Variants in MID2 observed in about 807,000 individuals in gnomAD.
The protein encoded by MID2 is midline 2.
A neutral mutation model predicts 46.1 loss-of-function variants in MID2; 13 were observed. The observed-to-expected ratio is 0.28, with a 90% CI of 0.18 to 0.45. The LOEUF is 0.45. Ranked by LOEUF, MID2 falls within the 20% of genes least tolerant of loss-of-function variation. The pLI is 1.00. For missense variants in MID2, 431 were observed against 575.4 expected (o/e 0.75, Z 2.57); for synonymous variants, 199 against 212.3 (o/e 0.94, Z 0.55).
intron 1 of MID2, among the ~76,000 whole-genome samples, chrX:107,833,464 C>T (rs1931137213): frequency 9.2e-6 from 1 of 108,217 alleles, no homozygotes; most frequent in Non-Finnish European, 1.9e-5. Flanking sequence ...GCTCATTTCT[C>T]AATCTACAGC....
At chrX:107,887,590 T>G (rs1156568499) in intron 3 of MID2, among the ~76,000 whole-genome samples, 2 of 111,681 alleles carry the variant, frequency 1.8e-5, no homozygotes, top group East Asian at 5.6e-4. Context: ...ATTCTCTTTT[T>G]TTGTTGTGTC....
In MID2 at chrX:107,929,302, GA is replaced by G. The variant is rs1188707098; in HGVS notation, c.*2230del. On this transcript the variant is annotated 3_prime_UTR_variant, in exon 10 of 10. Coordinates refer to ENST00000262843, the MANE Select transcript of MID2 (RefSeq NM_012216.4). ...CCCAAATTCTTAAACAAAAAAAAAT[GA>G]TTTTTTTCCCCTTCATCAAACTTTT... Among the ~76,000 whole-genome samples, 11 of 110,407 alleles carry G rather than the reference GA, an allele frequency of 1.0e-4. No homozygotes were observed. Among genetic ancestry groups the G allele is most frequent in the Non-Finnish European group, 2.1e-4 (11 of 52,686 alleles).
chrX:107,917,375 A>C, intron 6 of MID2, 131 bp from the exon 7 acceptor site: 1 of 568,721 alleles, frequency 1.8e-6, no homozygotes, highest in Non-Finnish European at 2.9e-6. Context: ...TGCATGGTTC[A>C]TGCAATCTAA....
intron 3 of MID2, among the ~76,000 whole-genome samples, chrX:107,862,407 G>A (rs1314307700): frequency 9.0e-6 from 1 of 111,713 alleles, no homozygotes; most frequent in Non-Finnish European, 1.9e-5. Flanking sequence ...TTGGGAAGAG[G>A]GAGTGGTAAT....
At chrX:107,906,520 G>C (rs765062740) in intron 5 of MID2, among the ~76,000 whole-genome samples, 24 of 112,305 alleles carry the variant, frequency 2.1e-4, no homozygotes, top group Admixed American at 2.0e-3. Context: ...GAATTGCACT[G>C]AAATCATAAC....
chrX:107,923,969 C>G (rs1179917561), intron 7 of MID2, among the ~76,000 whole-genome samples: 2 of 112,044 alleles, frequency 1.8e-5, no homozygotes, highest in African/African-American at 6.5e-5. Context: ...TCCATCCATA[C>G]AAGACCAAAC....
chrX:107,869,582 A>G (rs1932024058), intron 3 of MID2, among the ~76,000 whole-genome samples: 1 of 111,549 alleles, frequency 9.0e-6, no homozygotes, highest in African/African-American at 3.3e-5. Flanking sequence ...CTTCCTATCC[A>G]GAATCACGGT....
At chrX:107,869,681 G>A (rs1251178875) in intron 3 of MID2, among the ~76,000 whole-genome samples, 2 of 110,216 alleles carry the variant, frequency 1.8e-5, no homozygotes, top group East Asian at 5.6e-4. Context: ...ACATTTTTTT[G>A]TTGTTGTTGA....
Position 107,857,183 on chromosome X carries a change from T to C in MID2, c.816+2479T>C, listed in dbSNP as rs146604322. On this transcript the variant is annotated intron_variant, in intron 3 of 9. Transcript: ENST00000262843. ...TCTATTGGGTTTAGGATTCTGTCTT[T>C]GATGACAGGGACCCTACAGGATGGC... Among the ~76,000 whole-genome samples, 27 of 112,257 alleles carry C rather than the reference T, an allele frequency of 2.4e-4. No homozygotes were observed. The East Asian group carries it at 7.3e-3, about 30-fold the overall frequency.
At chrX:107,828,470 C>A (rs1931015620) in intron 1 of MID2, among the ~76,000 whole-genome samples, 1 of 110,045 alleles carries the variant, frequency 9.1e-6, no homozygotes, top group Admixed American at 9.7e-5. Context: ...TGCCACCACA[C>A]CCAGCTAATT....
At chrX:107,904,169 G>C in intron 4 of MID2, 104 bp downstream of exon 4, 2 of 579,347 alleles carry the variant, frequency 3.5e-6, no homozygotes, top group South Asian at 2.8e-5. Context: ...GAAGAAATGA[G>C]ATTATAGGGG....
At chrX:107,858,742 G>T (rs1398358880) in intron 3 of MID2, among the ~76,000 whole-genome samples, 1 of 112,243 alleles carries the variant, frequency 8.9e-6, no homozygotes, top group Non-Finnish European at 1.9e-5. Flanking sequence ...ATTTAGTCTT[G>T]TTCTTAGCTT....
chrX:107,899,192 C>A (rs921167148), intron 3 of MID2, among the ~76,000 whole-genome samples: 36 of 98,204 alleles, frequency 3.7e-4, no homozygotes, highest in East Asian at 3.2e-4. Context: ...TCCCCCCCCC[C>A]AAAAATCCTA....
At chrX:107,880,246 C>T (rs113527594) in intron 3 of MID2, among the ~76,000 whole-genome samples, 2,056 of 110,496 alleles carry the variant, frequency 0.019, 52 homozygotes, top group African/African-American at 0.063. Flanking sequence ...CTCAGACTCC[C>T]GAGTAGCTGG....
At position 107,917,638 on chromosome X, in the gene MID2, C is replaced by G; in HGVS notation, c.1334C>G (p.Ala445Gly). Residue 445 changes from alanine to glycine, a missense_variant, in exon 7 of 10, where the codon GCT becomes GGT. Ala to Gly is a moderately conservative substitution (Grantham distance 60, BLOSUM62 0). Coordinates refer to ENST00000262843, the MANE Select transcript of MID2 (RefSeq NM_012216.4). ...ELQYTIFTGQANFISKSWCSW... is the reference protein window; with the variant it reads ...ELQYTIFTGQGNFISKSWCSW... ...CAGTACACCATATTCACTGGCCAGG[C>G]TAACTTCATCAGTAAGTCATGGTGT... 1.7e-6 allele frequency: 2 copies of G among 1,211,708 alleles called. No homozygotes were observed. The highest frequency in any genetic ancestry group is 2.2e-6 in the Non-Finnish European group (2 of 895,425).
At chrX:107,860,071 A>G (rs1021011697) in intron 3 of MID2, among the ~76,000 whole-genome samples, 2 of 112,071 alleles carry the variant, frequency 1.8e-5, no homozygotes, top group African/African-American at 6.5e-5. Context: ...GCAAAGGTCA[A>G]GGGTCCAGGG....
chrX:107,883,383 A>G (rs1932374314), intron 3 of MID2, among the ~76,000 whole-genome samples: 2 of 111,700 alleles, frequency 1.8e-5, no homozygotes, highest in South Asian at 7.6e-4. Context: ...AAAGGAGGGA[A>G]TAGATCAAAC....
intron 2 of MID2, among the ~76,000 whole-genome samples, chrX:107,850,965 G>A (rs185971285): frequency 1.3e-3 from 147 of 112,281 alleles, no homozygotes; most frequent in South Asian, 1.8e-3. Context: ...GAATGGAAAT[G>A]CATTACAGTT....
chrX:107,871,440 A>G (rs751808831), intron 3 of MID2, among the ~76,000 whole-genome samples: 20 of 111,735 alleles, frequency 1.8e-4, no homozygotes, highest in Admixed American at 8.5e-4. Flanking sequence ...GGGGGTGTCC[A>G]TATCTCCTGA....
Sources: gnomAD v4.1 joint callset for allele counts (sites outside exome capture counted in the v4.1 genomes callset) on GRCh38, gnomAD v4.1.1 for gene constraint, MANE v1.5 for transcripts, NCBI Gene and HGNC (gene_info 2026-07-23, HGNC 2026-07-21) for gene names.